RANBP2: variants seen among roughly 807,000 people sequenced by gnomAD.
The protein encoded by RANBP2 is RAN binding protein 2.
In RANBP2, 57 loss-of-function variants were observed where a neutral mutation model predicts 303.6. The observed-to-expected ratio is 0.19, with a 90% CI of 0.15 to 0.23. The LOEUF (loss-of-function observed/expected upper bound fraction) is 0.23, where lower values mean the gene tolerates loss of function less well. Among genes scored for constraint, RANBP2 ranks in the 10% least tolerant of loss-of-function variants. The probability of loss-of-function intolerance (pLI) is 1.00; values close to 1 mark genes in which losing one functional copy is unlikely to be tolerated. For synonymous variants in RANBP2, 1,167 were observed against 1,301.5 expected, an observed-to-expected ratio of 0.90 and a Z score of 2.23; for missense variants, 3,138 against 3,780.8, an observed-to-expected ratio of 0.83 and a Z score of 4.46.
At chr2:108,821,435 G>A in the RANBP2 span, among the ~76,000 whole-genome samples, 2 of 152,154 alleles carry the variant, frequency 1.3e-5, no homozygotes. Flanking sequence ...ATTGTATTCA[G>A]TTGGCATTAT....
the RANBP2 span, among the ~76,000 whole-genome samples, chr2:108,805,421 T>G: frequency 4.7e-4 from 72 of 152,288 alleles, no homozygotes; most frequent in Non-Finnish European, 8.5e-4. Flanking sequence ...CATTGCAGTA[T>G]ACTTATTTAT....
At chr2:109,160,036 A>G in the RANBP2 span, among the ~76,000 whole-genome samples, 2 of 152,360 alleles carry the variant, frequency 1.3e-5, no homozygotes, top group Admixed American at 1.3e-4. Context: ...AGGTCCATGG[A>G]AAAGTCATCT....
At chr2:109,509,937 T>A in the RANBP2 span, among the ~76,000 whole-genome samples, 4 of 152,090 alleles carry the variant, frequency 2.6e-5, no homozygotes, top group Non-Finnish European at 2.9e-5. Context: ...GGGCAAATAC[T>A]ATAGGGCAAA....
the RANBP2 span, among the ~76,000 whole-genome samples, chr2:109,666,421 G>T: frequency 6.6e-6 from 1 of 152,166 alleles, no homozygotes; most frequent in Non-Finnish European, 1.5e-5. Context: ...AAATTTAAGG[G>T]CATAGGAGAA....
chr2:109,407,730 G>C, the RANBP2 span, among the ~76,000 whole-genome samples: 280 of 130,818 alleles, frequency 2.1e-3, 4 homozygotes, highest in African/African-American at 8.0e-3. Flanking sequence ...AAAGTACCAA[G>C]TGAGCCTGGG....
the RANBP2 span, among the ~76,000 whole-genome samples, chr2:109,224,886 C>G: frequency 0.065 from 9,924 of 152,128 alleles, 573 homozygotes; most frequent in East Asian, 0.2. Flanking sequence ...TAATTCTAGT[C>G]AATTAAAACT....
the RANBP2 span, among the ~76,000 whole-genome samples, chr2:109,717,828 C>T: frequency 5.3e-5 from 8 of 151,872 alleles, no homozygotes; most frequent in East Asian, 1.9e-4. Context: ...GCAGGAGAAT[C>T]GCTTGAACCC....
chr2:109,190,340 A>G, the RANBP2 span, among the ~76,000 whole-genome samples: 3 of 152,170 alleles, frequency 2.0e-5, no homozygotes, highest in African/African-American at 7.2e-5. Flanking sequence ...CGCCTGGCTA[A>G]TTTTTGTACT....
the RANBP2 span, among the ~76,000 whole-genome samples, chr2:109,117,492 G>T: frequency 6.6e-6 from 1 of 152,224 alleles, no homozygotes; most frequent in African/African-American, 2.4e-5. Context: ...TCGGAAAAGT[G>T]CAGTATTAGG....
chr2:109,579,989 C>T, the RANBP2 span, among the ~76,000 whole-genome samples: 5 of 151,658 alleles, frequency 3.3e-5, no homozygotes, highest in South Asian at 8.3e-4. Flanking sequence ...GGCGTGGTGG[C>T]AGGCGCCTGT....
the RANBP2 span, among the ~76,000 whole-genome samples, chr2:109,777,433 C>G: frequency 7.2e-6 from 1 of 138,654 alleles, no homozygotes; most frequent in Admixed American, 7.7e-5. Flanking sequence ...GACTATGTCA[C>G]TTGGTTATGG....
chr2:108,721,057 CAAAA>C (rs764899387), intron 1 of RANBP2, among the ~76,000 whole-genome samples: 4 of 151,852 alleles, frequency 2.6e-5, no homozygotes, highest in Non-Finnish European at 5.9e-5. Flanking sequence ...AAAACAAAAA[CAAAA>C]ACAAAAAAAA....
At chr2:109,278,106 G>A in the RANBP2 span, among the ~76,000 whole-genome samples, 1 of 151,956 alleles carries the variant, frequency 6.6e-6, no homozygotes, top group Non-Finnish European at 1.5e-5. Context: ...GAGCCCAGGA[G>A]GTCTAGGCTG....
At chr2:108,989,603 C>T in the RANBP2 span, among the ~76,000 whole-genome samples, 1 of 152,140 alleles carries the variant, frequency 6.6e-6, no homozygotes, top group Non-Finnish European at 1.5e-5. Context: ...TCTCACCCAT[C>T]CCCCGCACAT....
At chr2:108,780,359 ATTT>A (rs869269194) in intron 25 of RANBP2, among the ~76,000 whole-genome samples, 3 of 111,718 alleles carry the variant, frequency 2.7e-5, no homozygotes, top group Middle Eastern at 4.9e-3. Context: ...CGCCCGGCTA[ATTT>A]TTTTTTTTTT....
At chr2:109,120,824 G>A in the RANBP2 span, among the ~76,000 whole-genome samples, 1 of 152,070 alleles carries the variant, frequency 6.6e-6, no homozygotes, top group Admixed American at 6.5e-5. Flanking sequence ...TCCCTCACAT[G>A]TCCAAAGCCA....
the RANBP2 span, among the ~76,000 whole-genome samples, chr2:108,914,648 C>T: frequency 6.6e-6 from 1 of 152,218 alleles, no homozygotes; most frequent in Non-Finnish European, 1.5e-5. Flanking sequence ...TCTTTTGGGC[C>T]AGACTTCAGT....
At chr2:108,942,816 A>G in the RANBP2 span, among the ~76,000 whole-genome samples, 5 of 152,238 alleles carry the variant, frequency 3.3e-5, no homozygotes, top group Non-Finnish European at 7.3e-5. Context: ...AGAAAACTCA[A>G]CAGCAGCAAC....
the RANBP2 span, among the ~76,000 whole-genome samples, chr2:109,001,817 G>A: frequency 2.0e-5 from 3 of 152,032 alleles, no homozygotes; most frequent in Admixed American, 6.5e-5. Context: ...TGCAAGCTCC[G>A]CCTCCTGGGT....
Sources: allele counts gnomAD v4.1 joint callset (sites outside exome capture counted in the v4.1 genomes callset), GRCh38; gene constraint gnomAD v4.1.1; transcripts MANE v1.5; gene names NCBI Gene and HGNC (gene_info 2026-07-23, HGNC 2026-07-21).